Variants in CCDC171 observed in about 807,000 individuals in gnomAD.
The protein encoded by CCDC171 is coiled-coil domain containing 171.
In CCDC171, 177 loss-of-function variants were observed where a neutral mutation model predicts 168.2. The observed-to-expected ratio is 1.05, with a 90% CI of 0.93 to 1.19. The LOEUF (loss-of-function observed/expected upper bound fraction) is 1.19, where lower values mean the gene tolerates loss of function less well. CCDC171 is among the 50% of genes most tolerant of loss of function. CCDC171 has a pLI of 0.00. For missense variants in CCDC171, 1,991 were observed against 1,539.0 expected, an observed-to-expected ratio of 1.29 and a Z score of -4.91; for synonymous variants, 687 against 540.8, an observed-to-expected ratio of 1.27 and a Z score of -3.75.
intron 21 of CCDC171, among the ~76,000 whole-genome samples, chr9:15,815,201 C>G (rs1339463206): frequency 2.0e-5 from 3 of 152,094 alleles, no homozygotes; most frequent in African/African-American, 7.2e-5. Flanking sequence ...TCACAGGGGT[C>G]TCAAGACTTA....
chr9:15,832,828 CAGTA>C (rs1002883587), intron 21 of CCDC171, among the ~76,000 whole-genome samples: 7 of 152,058 alleles, frequency 4.6e-5, no homozygotes, highest in African/African-American at 1.7e-4. Flanking sequence ...TATTCTTATT[CAGTA>C]AGTGTTTTTC....
chr9:15,702,800 T>C (rs967116808), intron 11 of CCDC171, among the ~76,000 whole-genome samples: 1 of 152,232 alleles, frequency 6.6e-6, no homozygotes, highest in African/African-American at 2.4e-5. Context: ...AAGGCTTTTT[T>C]CCTTGAACTT....
chr9:15,599,448 C>A (rs543610550), intron 6 of CCDC171, among the ~76,000 whole-genome samples: 1 of 152,106 alleles, frequency 6.6e-6, no homozygotes, highest in Non-Finnish European at 1.5e-5. Flanking sequence ...GTTGAAAATT[C>A]TTTTCTTCAA....
intron 1 of CCDC171, among the ~76,000 whole-genome samples, chr9:16,046,027 A>C (rs1407278406): frequency 2.0e-5 from 3 of 152,190 alleles, no homozygotes; most frequent in African/African-American, 7.2e-5. Flanking sequence ...GCCCTGTGAC[A>C]GAAGTCTTAT....
intron 24 of CCDC171, among the ~76,000 whole-genome samples, chr9:15,905,588 C>T (rs959722142): frequency 6.6e-5 from 10 of 152,110 alleles, no homozygotes; most frequent in African/African-American, 2.2e-4. Flanking sequence ...CTAAAATTGA[C>T]ATCCTAACAT....
intron 18 of CCDC171, among the ~76,000 whole-genome samples, chr9:15,763,740 T>C (rs1325923715): frequency 6.6e-6 from 1 of 152,228 alleles, no homozygotes; most frequent in Non-Finnish European, 1.5e-5. Flanking sequence ...TACCTGTGAC[T>C]GTAGTTTGTT....
intron 4 of CCDC171, among the ~76,000 whole-genome samples, chr9:16,021,784 G>A (rs1396681856): frequency 2.6e-5 from 4 of 152,202 alleles, no homozygotes; most frequent in African/African-American, 4.8e-5. Flanking sequence ...CAAGATTTGC[G>A]ATGTCCCCCT....
intron 7 of CCDC171, among the ~76,000 whole-genome samples, chr9:15,655,277 T>C (rs1445700911): frequency 1.3e-5 from 2 of 152,136 alleles, no homozygotes; most frequent in Non-Finnish European, 2.9e-5. Flanking sequence ...GAAATCAAAT[T>C]AGTAATGCCT....
chr9:16,077,392 G>C, the CCDC171 span, among the ~76,000 whole-genome samples: 4 of 152,248 alleles, frequency 2.6e-5, no homozygotes, highest in African/African-American at 9.6e-5. Context: ...GCACACCCTT[G>C]CCATGACCTT....
chr9:16,046,029 A>G (rs1833654117), intron 1 of CCDC171, among the ~76,000 whole-genome samples: 1 of 152,118 alleles, frequency 6.6e-6, no homozygotes, highest in Non-Finnish European at 1.5e-5. Flanking sequence ...CCTGTGACAG[A>G]AGTCTTATTA....
downstream of CCDC171, among the ~76,000 whole-genome samples, chr9:16,064,980 G>A (rs1266973255): frequency 3.9e-5 from 6 of 152,116 alleles, no homozygotes; most frequent in African/African-American, 1.4e-4. Flanking sequence ...ATCATCCTGA[G>A]GCATCCCTTA....
intron 11 of CCDC171, among the ~76,000 whole-genome samples, chr9:15,714,521 T>G (rs551749982): frequency 6.6e-6 from 1 of 152,276 alleles, no homozygotes; most frequent in East Asian, 1.9e-4. Context: ...AGTAGCACAT[T>G]TTATGTCTCC....
At chr9:15,969,115 A>T (rs1315979709) in intron 25 of CCDC171, among the ~76,000 whole-genome samples, 1 of 152,198 alleles carries the variant, frequency 6.6e-6, no homozygotes, top group African/African-American at 2.4e-5. Context: ...GTGTGCAAAA[A>T]GTGAAACTAA....
the CCDC171 span, among the ~76,000 whole-genome samples, chr9:16,075,339 C>T: frequency 2.0e-5 from 3 of 152,182 alleles, no homozygotes; most frequent in Non-Finnish European, 2.9e-5. Flanking sequence ...AATCTTTTCT[C>T]TCTTTTGATT....
At chr9:15,568,265 A>G (rs1405077769) in intron 2 of CCDC171, among the ~76,000 whole-genome samples, 2 of 143,260 alleles carry the variant, frequency 1.4e-5, no homozygotes, top group African/African-American at 5.2e-5. Context: ...TCTCCAATAC[A>G]TCTTTTTTTT....
intron 10 of CCDC171, among the ~76,000 whole-genome samples, chr9:15,682,373 C>T (rs1175359729): frequency 6.6e-6 from 1 of 151,912 alleles, no homozygotes; most frequent in Admixed American, 6.6e-5. Flanking sequence ...AAATATAAAA[C>T]ATAATTTTGG....
Position 15,723,704 on chromosome 9 carries a change from T to A in CCDC171, c.1449T>A (p.Asp483Glu). 6.3e-7 allele frequency: 1 copy of A among 1,592,238 alleles called. No individual in the cohort carries two copies. Among genetic ancestry groups the A allele is most frequent in the Middle Eastern group, 1.7e-4 (1 of 6,002 alleles). The change falls in exon 13 of 26, where the codon GAT (aspartate) becomes GAA (glutamate). Residue 483 changes from aspartate (D) to glutamate (E), a missense_variant. Asp to Glu is a conservative substitution (Grantham distance 45). Coordinates refer to ENST00000380701, the MANE Select transcript of CCDC171 (RefSeq NM_173550.4). The stretch of plus-strand genomic sequence containing the variant: ...AGGAAAAGGCATGTAATGAACTTGA[T>A]TCTACGAAACAGAAGATAGACTCTC... ...SNEEKACNELDSTKQKIDSHT... is the reference protein window; with the variant it reads ...SNEEKACNELESTKQKIDSHT...
chr9:16,007,440 G>T (rs1250792357), intron 3 of CCDC171, among the ~76,000 whole-genome samples: 1 of 152,150 alleles, frequency 6.6e-6, no homozygotes, highest in African/African-American at 2.4e-5. Context: ...AGTTTAATTA[G>T]ATCCCAATTG....
intron 8 of CCDC171, among the ~76,000 whole-genome samples, chr9:15,658,880 A>G (rs1283139711): frequency 6.6e-6 from 1 of 152,174 alleles, no homozygotes; most frequent in Non-Finnish European, 1.5e-5. Flanking sequence ...TAAATTGCCA[A>G]TTTGTGGTAA....
Sources: gnomAD v4.1 joint callset for allele counts (sites outside exome capture counted in the v4.1 genomes callset) on GRCh38, gnomAD v4.1.1 for gene constraint, MANE v1.5 for transcripts, NCBI Gene and HGNC (gene_info 2026-07-23, HGNC 2026-07-21) for gene names.